HLA-DMB: variants seen among roughly 807,000 people sequenced by gnomAD.
The protein encoded by HLA-DMB is HLA class II histocompatibility antigen, DM beta chain.
HLA-DMB carries 18 observed loss-of-function variants against 29.3 expected under a neutral mutation model. That is an observed-to-expected ratio of 0.62 (90% confidence interval 0.43 to 0.91). The LOEUF (loss-of-function observed/expected upper bound fraction) is 0.91. Ranked by LOEUF, HLA-DMB falls within the 40% of genes least tolerant of loss-of-function variation. The pLI is 0.00. For missense variants in HLA-DMB, 258 were observed against 320.9 expected (o/e 0.80, Z 1.50); for synonymous variants, 143 against 128.7 (o/e 1.11, Z -0.75).
intron 1 of HLA-DMB, 76 bp from the exon 2 acceptor site, chr6:32,939,041 A>G: frequency 1.2e-6 from 1 of 866,672 alleles, no homozygotes; most frequent in Non-Finnish European, 1.6e-6. Flanking sequence ...TATATAAATA[A>G]TAAATATACA....
Position 32,937,676 on chromosome 6 carries a change from C to T in HLA-DMB, c.338-220G>A, listed in dbSNP as rs968518621. ...TTCATTGCCCCTTTCTTTCTTTCCT[C>T]CTCCAGAATTATGTTTGATTACAAT... On this transcript the variant is annotated intron_variant, in intron 2 of 5. Coordinates refer to ENST00000418107, the MANE Select transcript of HLA-DMB (RefSeq NM_002118.5). This position sits in a 1 kb window ranked among gnomAD's most constrained non-coding sequence, Gnocchi z 4.1. The T allele has an allele frequency of 7.0e-6, 4 of 568,654 alleles. No individual in the cohort carries two copies. The highest frequency in any genetic ancestry group is 1.2e-5 in the Non-Finnish European group (4 of 321,708). 35.2% of individuals were successfully genotyped at this position (568,654 alleles called of 1,614,324 possible). A position where few individuals can be genotyped will look rare whatever the true frequency, so the allele number is the denominator to read the frequency against.
At chr6:32,940,510 G>C (rs1233102217) in intron 1 of HLA-DMB, among the ~76,000 whole-genome samples, 1 of 152,180 alleles carries the variant, frequency 6.6e-6, no homozygotes, top group Admixed American at 6.5e-5. Flanking sequence ...TGTGCTAGGA[G>C]CTGAGGAGGC....
In HLA-DMB at chr6:32,937,090, CT is replaced by C; in HGVS notation, c.622+81del. 1.6e-6 allele frequency: 2 copies of C among 1,219,224 alleles called. No homozygotes were observed. The highest frequency in any genetic ancestry group is 2.2e-6 in the Non-Finnish European group (2 of 896,724). 75.5% of individuals were successfully genotyped at this position (1,219,224 alleles called of 1,614,324 possible). A position where few individuals can be genotyped will look rare whatever the true frequency, so the allele number is the denominator to read the frequency against. ...CTCAGTCCCCATTTTCAGCACTTCGCTGTCTACCATGTACCATGTATCGATC... is the reference window on the plus strand; with the variant it reads ...CTCAGTCCCCATTTTCAGCACTTCGCGTCTACCATGTACCATGTATCGATC... On this transcript the variant is annotated intron_variant, in intron 3 of 5. Transcript: ENST00000418107. This position sits in a 1 kb window ranked among gnomAD's most constrained non-coding sequence, Gnocchi z 4.1.
In HLA-DMB at chr6:32,940,979, C is replaced by A. The variant is rs1776329300; in HGVS notation, c.-172G>T. On this transcript the variant is annotated 5_prime_UTR_variant, in exon 1 of 6. Transcript: ENST00000418107. ...CCCCCAAATGAGTGATGTGGGGATA[C>A]CCAGCCCCTAGATATTAAATCTGTT... 1.3e-5 allele frequency: 7 copies of A among 548,090 alleles called. No individual in the cohort carries two copies. In the South Asian group the frequency reaches 1.7e-4, roughly 13 times the overall value. The allele number at this position is 548,090 out of a possible 1,614,324, so 34.0% of individuals were successfully genotyped here. A position where few individuals can be genotyped will look rare whatever the true frequency, so the allele number is the denominator to read the frequency against.
intron 1 of HLA-DMB, among the ~76,000 whole-genome samples, 178 bp from the exon 2 acceptor site, chr6:32,939,143 A>G (rs1776198211): frequency 6.6e-6 from 1 of 152,166 alleles, no homozygotes; most frequent in Admixed American, 6.5e-5. Flanking sequence ...TAGAGTGCCT[A>G]ATCGCTTAGA....
rs766918178 is a variant in HLA-DMB, at chr6:32,937,311, A to G, written c.483T>C (p.Ser161=). The G allele has an allele frequency of 5.0e-6, 8 of 1,614,008 alleles. No individual in the cohort carries two copies. The Admixed American group carries it at 1.0e-4, about 20-fold the overall frequency. Residue 161 remains serine (S), a synonymous_variant, in exon 3 of 6, where the codon AGT becomes AGC. Coordinates refer to ENST00000418107, the MANE Select transcript of HLA-DMB (RefSeq NM_002118.5). This position sits in a 1 kb window ranked among gnomAD's most constrained non-coding sequence, Gnocchi z 4.1. ...KNGKLVMPHS[S]AHKTAQPNGD... is the part of the protein sequence containing the mutation. ...CATTGGGCTGGGCAGTCTTGTGCGCACTGCTGTGAGGCATGACAAGCTTCC... is the reference window on the plus strand; with the variant it reads ...CATTGGGCTGGGCAGTCTTGTGCGCGCTGCTGTGAGGCATGACAAGCTTCC...
At position 32,937,122 on chromosome 6, in the gene HLA-DMB, C is replaced by T. The variant is rs114828043; in HGVS notation, c.622+50G>A. The T allele has an allele frequency of 1.4e-3, 2,015 of 1,481,146 alleles. 29 individuals are homozygous for T. The African/African-American group carries it at 0.026, about 19-fold the overall frequency. The allele number at this position is 1,481,146 out of a possible 1,614,324, so 91.8% of individuals were successfully genotyped here. A position where few individuals can be genotyped will look rare whatever the true frequency, so the allele number is the denominator to read the frequency against. ...CCATGTACCATGTATCGATCCACAT[C>T]TCATTTTCTCTGCTTTGACCCTAAT... On this transcript the variant is annotated intron_variant, in intron 3 of 5. Coordinates refer to ENST00000418107, the MANE Select transcript of HLA-DMB (RefSeq NM_002118.5). The surrounding 1 kb of genome is among the most constrained non-coding windows in gnomAD (Gnocchi z 4.1).
intron 3 of HLA-DMB, 101 bp from the exon 4 acceptor site, chr6:32,935,753 T>A: frequency 6.6e-6 from 5 of 762,916 alleles, no homozygotes; most frequent in Non-Finnish European, 1.1e-5. Flanking sequence ...AGGTCCTTTA[T>A]CCCAGCTCCA....
At chr6:32,935,723 C>A in intron 3 of HLA-DMB, 71 bp from the exon 4 acceptor site, 1 of 1,090,666 alleles carries the variant, frequency 9.2e-7, no homozygotes, top group Non-Finnish European at 1.4e-6. Context: ...TTTATTGCAG[C>A]CACCTCTCAG....
At chr6:32,938,333 T>G in intron 2 of HLA-DMB, 4 of 264,120 alleles carry the variant, frequency 1.5e-5, no homozygotes, top group Non-Finnish European at 1.4e-5. Flanking sequence ...TCCCCTGGGA[T>G]TCCAAATATT....
chr6:32,939,110 G>T, intron 1 of HLA-DMB, 145 bp from the exon 2 acceptor site: 1 of 508,380 alleles, frequency 2.0e-6, no homozygotes, highest in Non-Finnish European at 2.9e-6. Flanking sequence ...ACAGAGCTTT[G>T]TCTTTGACCC....
rs1776061315 is a variant in HLA-DMB, at chr6:32,937,258, T to C, written c.536A>G (p.His179Arg). 1.9e-6 allele frequency: 3 copies of C among 1,614,032 alleles called. No homozygotes were observed. The highest frequency in any genetic ancestry group is 1.7e-6 in the Non-Finnish European group (2 of 1,179,986). ...NGDWTYQTLS[H>R]LALTPSYGDT... Reference sequence around the variant, plus strand: ...CCCGTAAGAGGGGGTTAAGGCTAAATGGGAGAGGGTCTGGTATGTCCAGTC... The same window carrying C: ...CCCGTAAGAGGGGGTTAAGGCTAAACGGGAGAGGGTCTGGTATGTCCAGTC... The change falls in exon 3 of 6, where the codon CAT becomes CGT. Residue 179 changes from histidine (H) to arginine (R), a missense_variant. Physicochemically the swap from His to Arg is conservative, Grantham distance 29 (BLOSUM62 0). Coordinates refer to ENST00000418107, the MANE Select transcript of HLA-DMB (RefSeq NM_002118.5). The surrounding 1 kb of genome is among the most constrained non-coding windows in gnomAD (Gnocchi z 4.1).
chr6:32,934,889 T>C lies in HLA-DMB; in HGVS notation c.*82A>G. 3 of 1,283,046 alleles carry C rather than the reference T, an allele frequency of 2.3e-6. No homozygotes were observed. Among genetic ancestry groups the C allele is most frequent in the South Asian group, 1.2e-5 (1 of 83,716 alleles). The allele number at this position is 1,283,046 out of a possible 1,614,324, so 79.5% of individuals were successfully genotyped here. ...TAGGATCCAAGATAATGTCAGGGGG[T>C]TGAAGATGTTGGAGAGGCATGGTAG... On this transcript the variant is annotated 3_prime_UTR_variant, in exon 6 of 6. Coordinates refer to ENST00000418107, the MANE Select transcript of HLA-DMB (RefSeq NM_002118.5).
Position 32,940,754 on chromosome 6 carries a change from T to C in HLA-DMB, c.54A>G (p.Ala18=). The C allele has an allele frequency of 6.2e-7, 1 of 1,605,326 alleles. No individual in the cohort carries two copies. The highest frequency in any genetic ancestry group is 8.5e-7 in the Non-Finnish European group (1 of 1,176,412). Residue 18 remains alanine, a splice_region_variant and synonymous_variant, in exon 1 of 6, where the codon GCA becomes GCG. Coordinates refer to ENST00000418107, the MANE Select transcript of HLA-DMB (RefSeq NM_002118.5). ...LLGLSLGCTG[A]GGFVAHVEST... is the part of the protein sequence containing the mutation. ...AGTCCCCAGAAGAAGTGTCCTTACC[T>C]GCTCCTGTGCAGCCCAGGCTGAGCC...
At chr6:32,935,818 C>A (rs1561858699) in intron 3 of HLA-DMB, 166 bp from the exon 4 acceptor site, 1 of 615,904 alleles carries the variant, frequency 1.6e-6, no homozygotes, top group Admixed American at 2.9e-5. Context: ...CAAATCAAAC[C>A]CTCGTCCCAT....
chr6:32,935,789 C>A, intron 3 of HLA-DMB, 137 bp from the exon 4 acceptor site: 1 of 630,760 alleles, frequency 1.6e-6, no homozygotes, highest in East Asian at 2.7e-5. Context: ...CCACCCACTC[C>A]CAAGAAAATG....
chr6:32,934,980 G>T lies in HLA-DMB; in HGVS notation c.783C>A (p.His261Gln). 1 of 1,612,842 alleles carries T rather than the reference G, an allele frequency of 6.2e-7. No individual in the cohort carries two copies. Among genetic ancestry groups the T allele is most frequent in the South Asian group, 1.1e-5 (1 of 91,056 alleles). Residue 261 changes from histidine to glutamine, a missense_variant, in exon 6 of 6, where the codon CAC (histidine) becomes CAA (glutamine). Physicochemically the swap from His to Gln is conservative, Grantham distance 24. Transcript: ENST00000418107. ...TTGTAGGATTCTGCCTCTAGGAAAT[G>T]TGCCATCCTACAGAATAAATAAAAG... is the stretch of plus-strand genomic sequence containing the variant. ...LPGSNYSEGW[H>Q]IS
At chr6:32,935,038 C>T in intron 5 of HLA-DMB, 51 bp from the exon 6 acceptor site, 1 of 1,605,072 alleles carries the variant, frequency 6.2e-7, no homozygotes. Context: ...AACTTGCCCC[C>T]ATCGTTTGTC....
Position 32,934,961 on chromosome 6 carries a change from G to A in HLA-DMB, c.*10C>T. Reference sequence around the variant, plus strand: ...TTCTCACTTGGAGTGGAAGTTGTAGGATTCTGCCTCTAGGAAATGTGCCAT... The same window carrying A: ...TTCTCACTTGGAGTGGAAGTTGTAGAATTCTGCCTCTAGGAAATGTGCCAT... On this transcript the variant is annotated 3_prime_UTR_variant, in exon 6 of 6. Transcript: ENST00000418107. 2 of 1,612,650 alleles carry A rather than the reference G, an allele frequency of 1.2e-6. No homozygotes were observed. The highest frequency in any genetic ancestry group is 1.7e-6 in the Non-Finnish European group (2 of 1,179,714).
Sources: gnomAD v4.1 joint callset for allele counts (sites outside exome capture counted in the v4.1 genomes callset) on GRCh38, gnomAD v4.1.1 for gene constraint, Gnocchi (gnomAD v3.1) non-coding constraint, MANE v1.5 for transcripts, NCBI Gene and HGNC (gene_info 2026-07-23, HGNC 2026-07-21) for gene names.